The following CHCHD3 variants were observed in gnomAD, a reference collection of about 807,000 sequenced individuals.
CHCHD3 encodes the protein coiled-coil-helix-coiled-coil-helix domain containing 3.
A neutral mutation model predicts 38.2 loss-of-function variants in CHCHD3; 20 were observed. The ratio of observed to expected loss-of-function variants is 0.52; its 90% CI spans 0.37 to 0.76. The LOEUF (loss-of-function observed/expected upper bound fraction) is 0.76. Ranked by LOEUF, CHCHD3 falls within the 30% of genes least tolerant of loss-of-function variation. CHCHD3 has a pLI of 0.00. For synonymous variants in CHCHD3, 82 were observed against 100.0 expected (o/e 0.82, Z 1.07); for missense variants, 245 against 279.2 (o/e 0.88, Z 0.87).
intron 4 of CHCHD3, among the ~76,000 whole-genome samples, chr7:132,939,155 C>A (rs1810702069): frequency 6.6e-6 from 1 of 152,072 alleles, no homozygotes; most frequent in South Asian, 2.1e-4. Flanking sequence ...TTGAACATTT[C>A]CTATCACACA....
At chr7:133,054,068 G>A (rs1312537124) in intron 2 of CHCHD3, among the ~76,000 whole-genome samples, 1 of 152,130 alleles carries the variant, frequency 6.6e-6, no homozygotes, top group East Asian at 1.9e-4. Flanking sequence ...TAAAGTACCT[G>A]TTAATGAGAA....
chr7:132,948,971 G>A (rs1260349987), intron 4 of CHCHD3, among the ~76,000 whole-genome samples: 1 of 152,006 alleles, frequency 6.6e-6, no homozygotes, highest in Non-Finnish European at 1.5e-5. Flanking sequence ...CAATAACTAG[G>A]AAAATAATAG....
At chr7:133,045,590 ATAAT>A (rs929987559) in intron 2 of CHCHD3, among the ~76,000 whole-genome samples, 1 of 152,224 alleles carries the variant, frequency 6.6e-6, no homozygotes, top group African/African-American at 2.4e-5. Flanking sequence ...AGAAACACAA[ATAAT>A]TTAAACTTAT....
rs552970703 is a variant in CHCHD3, at chr7:133,079,017, G to A, written c.81+2840C>T. Among the ~76,000 whole-genome samples the A allele has an allele frequency of 5.3e-5, 8 of 152,272 alleles. No homozygotes were observed. In the South Asian group the frequency reaches 1.7e-3, roughly 32 times the overall value. ...TCCCCATGTCTCAGAAGGGAACAAA[G>A]TGACTATTTAAAGCCAAGAAAAATA... On this transcript the variant is annotated intron_variant, in intron 1 of 7. Transcript: ENST00000262570.
In CHCHD3 at chr7:133,065,767, CT is replaced by C. The variant is rs1814651214; in HGVS notation, c.169+4374del. Among the ~76,000 whole-genome samples the C allele has an allele frequency of 2.0e-5, 3 of 152,232 alleles. No homozygotes were observed. The South Asian group carries it at 6.2e-4, about 32-fold the overall frequency. ...AAAACATAAATGTTCAAGCTTCATG[CT>C]TTTATAAGCCTATTTTTTTAATTCT... On this transcript the variant is annotated intron_variant, in intron 2 of 7. Transcript: ENST00000262570.
intron 3 of CHCHD3, among the ~76,000 whole-genome samples, chr7:132,985,265 C>T (rs1350768057): frequency 2.7e-5 from 2 of 74,204 alleles, no homozygotes; most frequent in Admixed American, 1.3e-4. Flanking sequence ...GTCAGCCCCC[C>T]GCCCGGCCAG....
At chr7:132,912,778 C>T (rs938789877) in intron 4 of CHCHD3, among the ~76,000 whole-genome samples, 1 of 152,218 alleles carries the variant, frequency 6.6e-6, no homozygotes, top group Non-Finnish European at 1.5e-5. Context: ...TGGTCTCAAA[C>T]TCCCAGCCTC....
intron 6 of CHCHD3, among the ~76,000 whole-genome samples, chr7:132,836,115 T>C (rs562351003): frequency 1.3e-5 from 2 of 148,586 alleles, no homozygotes; most frequent in South Asian, 4.3e-4. Flanking sequence ...AATTCATGTG[T>C]CTGATTTTTT....
At chr7:133,050,391 A>T (rs1305754327) in intron 2 of CHCHD3, among the ~76,000 whole-genome samples, 4 of 147,066 alleles carry the variant, frequency 2.7e-5, no homozygotes, top group Non-Finnish European at 4.5e-5. Context: ...AATGAGAGTC[A>T]GCAGCTTGGA....
chr7:132,912,990 G>A (rs925939288), intron 4 of CHCHD3, among the ~76,000 whole-genome samples: 2 of 152,220 alleles, frequency 1.3e-5, no homozygotes, highest in African/African-American at 4.8e-5. Flanking sequence ...ACTTGGTTCT[G>A]CTCAGCAGCC....
chr7:132,840,566 C>T (rs575231248), intron 5 of CHCHD3, among the ~76,000 whole-genome samples: 1 of 152,214 alleles, frequency 6.6e-6, no homozygotes, highest in South Asian at 2.1e-4. Flanking sequence ...CCTAACCCAT[C>T]GAGTATGGAT....
At chr7:132,996,439 A>G (rs149013743) in intron 3 of CHCHD3, among the ~76,000 whole-genome samples, 126 of 152,362 alleles carry the variant, frequency 8.3e-4, no homozygotes, top group African/African-American at 2.9e-3. Context: ...AGTTACAAAT[A>G]TGCATGTAAA....
At chr7:132,789,766 C>T (rs989487508) in intron 7 of CHCHD3, among the ~76,000 whole-genome samples, 1 of 151,748 alleles carries the variant, frequency 6.6e-6, no homozygotes, top group Non-Finnish European at 1.5e-5. Context: ...ATGAACTTAC[C>T]CAGCGCCTCA....
At chr7:132,850,440 T>G (rs538813456) in intron 5 of CHCHD3, among the ~76,000 whole-genome samples, 2,982 of 63,230 alleles carry the variant, frequency 0.047, 84 homozygotes, top group Admixed American at 0.14. Flanking sequence ...AGTCTCAGGT[T>G]TTTTTTTTTG....
chr7:132,823,684 T>C (rs1342723632), intron 6 of CHCHD3, among the ~76,000 whole-genome samples: 1 of 152,182 alleles, frequency 6.6e-6, no homozygotes, highest in African/African-American at 2.4e-5. Context: ...TGAGCTAATT[T>C]TATCTATTTT....
intron 2 of CHCHD3, among the ~76,000 whole-genome samples, chr7:133,027,401 G>C: frequency 8.3e-6 from 1 of 120,410 alleles, no homozygotes. Flanking sequence ...GAGAGAGAGG[G>C]AGAAAGAAAG....
intron 6 of CHCHD3, among the ~76,000 whole-genome samples, chr7:132,827,517 T>C (rs1211617843): frequency 6.6e-6 from 1 of 152,212 alleles, no homozygotes; most frequent in Admixed American, 6.5e-5. Flanking sequence ...ATGCAAAAAG[T>C]TTCCAATCTT....
At chr7:133,004,218 T>TCCC (rs1456926529) in intron 3 of CHCHD3, among the ~76,000 whole-genome samples, 12 of 152,194 alleles carry the variant, frequency 7.9e-5, no homozygotes, top group Non-Finnish European at 1.8e-4. Flanking sequence ...TGCCTCAGCC[T>TCCC]CCCAAAGTGC....
intron 4 of CHCHD3, among the ~76,000 whole-genome samples, chr7:132,930,291 C>T (rs758472387): frequency 6.6e-6 from 1 of 151,820 alleles, no homozygotes; most frequent in Non-Finnish European, 1.5e-5. Context: ...CTCAGCCTCC[C>T]GAGTAGCTGG....
Sources: allele counts gnomAD v4.1 joint callset (sites outside exome capture counted in the v4.1 genomes callset), GRCh38; gene constraint gnomAD v4.1.1; transcripts MANE v1.5; gene names NCBI Gene and HGNC (gene_info 2026-07-23, HGNC 2026-07-21).